Variants in OPA1 observed in about 807,000 individuals in gnomAD.
OPA1 encodes the protein OPA1 mitochondrial dynamin like GTPase.
A neutral mutation model predicts 152.9 loss-of-function variants in OPA1; 59 were observed. The ratio of observed to expected loss-of-function variants is 0.39; its 90% CI spans 0.31 to 0.48. The LOEUF (loss-of-function observed/expected upper bound fraction) is 0.48. OPA1 is among the 20% of genes least tolerant of loss of function. OPA1 has a pLI of 0.96. For synonymous variants in OPA1, 400 were observed against 389.9 expected (o/e 1.03, Z -0.31); for missense variants, 1,008 against 1,216.8 (o/e 0.83, Z 2.55).
chr3:193,660,809 G>A (rs938616562), intron 25 of OPA1, among the ~76,000 whole-genome samples: 8 of 152,084 alleles, frequency 5.3e-5, no homozygotes, highest in African/African-American at 1.7e-4. Context: ...TTCAGGGTGC[G>A]TTGGTTATCT....
chr3:193,607,283 T>A (rs1727439750), intron 1 of OPA1, among the ~76,000 whole-genome samples: 1 of 152,254 alleles, frequency 6.6e-6, no homozygotes, highest in African/African-American at 2.4e-5. Flanking sequence ...AGATCCCATT[T>A]GTCAATTTTG....
Position 193,617,235 on chromosome 3 carries a change from T to G in OPA1, c.506T>G (p.Phe169Cys). Reference protein sequence around the residue: ...SEDLVKLAPDFDKIVESLSLL... With the variant: ...SEDLVKLAPDCDKIVESLSLL... ...GACCTTGTAAAGTTAGCACCAGACT[T>G]TGACAAGATTGTTGAAAGCCTTAGC... The change falls in exon 4 of 31, where the codon TTT (phenylalanine) becomes TGT (cysteine). Residue 169 changes from phenylalanine to cysteine, a missense_variant. By Grantham distance (205) the Phe-to-Cys change is radical. Transcript: ENST00000361510. 1 of 1,613,192 alleles carries G rather than the reference T, an allele frequency of 6.2e-7. No homozygotes were observed. Among genetic ancestry groups the G allele is most frequent in the Non-Finnish European group, 8.5e-7 (1 of 1,179,388 alleles).
chr3:193,609,613 G>A (rs570965235), intron 1 of OPA1, among the ~76,000 whole-genome samples: 1 of 152,280 alleles, frequency 6.6e-6, no homozygotes, highest in East Asian at 1.9e-4. Context: ...AGTTCTCCTG[G>A]ATAATATCCT....
chr3:193,614,698 T>C, intron 1 of OPA1, 25 bp from the exon 2 acceptor site: 1 of 1,548,952 alleles, frequency 6.5e-7, no homozygotes. Flanking sequence ...CTCTGATCTT[T>C]CTTCCATATT....
At chr3:193,611,845 C>CTTT (rs34521284) in intron 1 of OPA1, among the ~76,000 whole-genome samples, 2 of 148,624 alleles carry the variant, frequency 1.3e-5, no homozygotes, top group African/African-American at 4.9e-5. Flanking sequence ...CTTTTCTTTT[C>CTTT]TTTTTTTTTT....
chr3:193,637,113 C>G, intron 9 of OPA1, 82 bp from the exon 10 acceptor site: 1 of 701,084 alleles, frequency 1.4e-6, no homozygotes, highest in East Asian at 2.8e-5. Context: ...TTGAATTTAT[C>G]ACTTTTTTCT....
intron 29 of OPA1, among the ~76,000 whole-genome samples, chr3:193,673,544 G>GTT (rs1718378626): frequency 1.3e-5 from 2 of 152,148 alleles, no homozygotes; most frequent in South Asian, 4.2e-4. Context: ...CATATTTAGA[G>GTT]TTTTTCAATG....
chr3:193,634,029 G>A (rs534666240), intron 8 of OPA1, among the ~76,000 whole-genome samples: 1 of 152,276 alleles, frequency 6.6e-6, no homozygotes, highest in East Asian at 1.9e-4. Flanking sequence ...TGTAAGGATA[G>A]AACCATGATT....
At chr3:193,666,533 A>G (rs1377796336) in intron 28 of OPA1, 144 bp downstream of exon 28, 1 of 735,286 alleles carries the variant, frequency 1.4e-6, no homozygotes, top group Admixed American at 2.2e-5. Flanking sequence ...CATGCCTGTA[A>G]TCTCAGCATG....
At chr3:193,685,808 G>A (rs1720862133) in intron 29 of OPA1, among the ~76,000 whole-genome samples, 1 of 152,136 alleles carries the variant, frequency 6.6e-6, no homozygotes, top group Admixed American at 6.5e-5. Flanking sequence ...TAATGAATTA[G>A]AACAATACAT....
At chr3:193,625,241 G>C (rs1367495218) in intron 6 of OPA1, among the ~76,000 whole-genome samples, 1 of 152,068 alleles carries the variant, frequency 6.6e-6, no homozygotes, top group African/African-American at 2.4e-5. Context: ...TTATGAAGTG[G>C]AATGAATTTT....
intron 25 of OPA1, 60 bp downstream of exon 25, chr3:193,659,621 C>CCTGA: frequency 7.5e-7 from 1 of 1,341,664 alleles, no homozygotes; most frequent in Non-Finnish European, 1.1e-6. Context: ...TTAATTCAGG[C>CCTGA]ATTAAAATAT....
intron 1 of OPA1, among the ~76,000 whole-genome samples, chr3:193,596,345 T>TCCTTTC: frequency 2.1e-5 from 1 of 46,580 alleles, no homozygotes; most frequent in East Asian, 8.7e-4. Flanking sequence ...CCTTTTCTTT[T>TCCTTTC]CTTTTCTTTT....
chr3:193,625,551 G>A (rs1041283637), intron 6 of OPA1, among the ~76,000 whole-genome samples: 5 of 151,966 alleles, frequency 3.3e-5, no homozygotes, highest in African/African-American at 1.2e-4. Flanking sequence ...TTAATCAAAT[G>A]TATGCAAAGG....
At chr3:193,655,112 A>T (rs1713472514) in intron 22 of OPA1, 85 bp downstream of exon 22, 1 of 1,230,082 alleles carries the variant, frequency 8.1e-7, no homozygotes, top group Non-Finnish European at 1.2e-6. Context: ...TTCCCATCAC[A>T]GCCTCTATCT....
intron 13 of OPA1, 148 bp from the exon 14 acceptor site, chr3:193,643,225 T>A (rs1734044958): frequency 3.5e-6 from 3 of 868,394 alleles, no homozygotes; most frequent in Admixed American, 4.4e-5. Flanking sequence ...ATAATTACTT[T>A]TAGGATCAGA....
At chr3:193,633,766 C>A (rs1732481919) in intron 8 of OPA1, among the ~76,000 whole-genome samples, 1 of 152,172 alleles carries the variant, frequency 6.6e-6, no homozygotes, top group Non-Finnish European at 1.5e-5. Context: ...TACAGCACAA[C>A]CTCACTTCAG....
chr3:193,647,435 G>A (rs1166492659), intron 19 of OPA1, among the ~76,000 whole-genome samples: 2 of 152,156 alleles, frequency 1.3e-5, no homozygotes, highest in African/African-American at 4.8e-5. Flanking sequence ...CTAGTGCTTG[G>A]AAGTACACAA....
At chr3:193,659,085 C>T (rs764213664) in intron 24 of OPA1, 90 bp downstream of exon 24, 35 of 918,602 alleles carry the variant, frequency 3.8e-5, no homozygotes, top group Non-Finnish European at 6.3e-5. Flanking sequence ...ATAGATTGAA[C>T]ATTTCAAAGT....
Sources: allele counts gnomAD v4.1 joint callset (sites outside exome capture counted in the v4.1 genomes callset), GRCh38; gene constraint gnomAD v4.1.1; transcripts MANE v1.5; gene names NCBI Gene and HGNC (gene_info 2026-07-23, HGNC 2026-07-21).